The following DIDO1 variants were observed in gnomAD, a reference collection of about 807,000 sequenced individuals.
The protein encoded by DIDO1 is death-inducer obliterator 1.
In DIDO1, 16 loss-of-function variants were observed where a neutral mutation model predicts 99.4. The observed-to-expected ratio is 0.16, with a 90% confidence interval of 0.11 to 0.24. The LOEUF (loss-of-function observed/expected upper bound fraction) is 0.24. DIDO1 is among the 10% of genes least tolerant of loss of function. DIDO1 has a pLI of 1.00. For synonymous variants in DIDO1, 1,366 were observed against 1,239.1 expected, an observed-to-expected ratio of 1.10 and a Z score of -2.15; for missense variants, 2,996 against 3,014.0, an observed-to-expected ratio of 0.99 and a Z score of 0.14.
rs1044040587 is a variant in DIDO1, at chr20:62,882,538, A to C, written c.3542-124T>G. On this transcript the variant is annotated intron_variant, in intron 15 of 15. Coordinates refer to ENST00000395343, the MANE Select transcript of DIDO1 (RefSeq NM_001193369.2). ...AGACAAAAATAAGCCATTCTGTGGCAAAATAAGATCAAGTGTCAAGACAGT... is the reference window on the plus strand; with the variant it reads ...AGACAAAAATAAGCCATTCTGTGGCCAAATAAGATCAAGTGTCAAGACAGT... 18 of 962,842 alleles carry C rather than the reference A, an allele frequency of 1.9e-5. No individual in the cohort carries two copies. In the African/African-American group the frequency reaches 2.5e-4, roughly 13 times the overall value. The allele number at this position is 962,842 out of a possible 1,614,324, so 59.6% of individuals were successfully genotyped here.
chr20:62,928,246 A>G (rs1284998511), upstream of DIDO1, among the ~76,000 whole-genome samples: 3 of 152,198 alleles, frequency 2.0e-5, no homozygotes, highest in Non-Finnish European at 4.4e-5. Flanking sequence ...AGGGAATAGA[A>G]AGAGTGGACA....
chr20:62,881,873 A>T lies in DIDO1; in HGVS notation c.4083T>A (p.Asp1361Glu). ...EDGVPAPPLLDPIVQQFGQFS... is the reference protein window; with the variant it reads ...EDGVPAPPLLEPIVQQFGQFS... ...ACTGACCGAACTGCTGGACGATCGGATCTAACAACGGAGGTGCCGGCACCC... is the reference window on the plus strand; with the variant it reads ...ACTGACCGAACTGCTGGACGATCGGTTCTAACAACGGAGGTGCCGGCACCC... The change falls in exon 16 of 16, where the codon GAT becomes GAA. Residue 1361 changes from aspartate to glutamate, a missense_variant. Coordinates refer to ENST00000395343, the MANE Select transcript of DIDO1 (RefSeq NM_001193369.2). The surrounding 1 kb of genome is among the most constrained non-coding windows in gnomAD (Gnocchi z 8.3). 6.2e-7 allele frequency: 1 copy of T among 1,613,432 alleles called. No homozygotes were observed. Among genetic ancestry groups the T allele is most frequent in the Non-Finnish European group, 8.5e-7 (1 of 1,180,014 alleles).
chr20:62,887,244 G>T, intron 15 of DIDO1: 1 of 985,488 alleles, frequency 1.0e-6, no homozygotes, highest in African/African-American at 1.7e-5. Flanking sequence ...TGATTTAGGA[G>T]GAGAAGGCAG....
chr20:62,892,507 T>C (rs1039705468), intron 13 of DIDO1, among the ~76,000 whole-genome samples: 69 of 152,356 alleles, frequency 4.5e-4, no homozygotes, highest in African/African-American at 1.5e-3. Flanking sequence ...AACACCTGGC[T>C]GTGCCGGTGG....
At position 62,887,941 on chromosome 20, in the gene DIDO1, C is replaced by T. The variant is rs568182122; in HGVS notation, c.3541+3019G>A. 1.0e-5 allele frequency: 10 copies of T among 985,418 alleles called. No homozygotes were observed. In the South Asian group the frequency reaches 1.9e-4, roughly 19 times the overall value. 61.0% of individuals were successfully genotyped at this position (985,418 alleles called of 1,614,324 possible). A position where few individuals can be genotyped will look rare whatever the true frequency, so the allele number is the denominator to read the frequency against. On this transcript the variant is annotated intron_variant, in intron 15 of 15. Coordinates refer to ENST00000395343, the MANE Select transcript of DIDO1 (RefSeq NM_001193369.2). ...GGCAGAGGGGCAGAGGAAGACAACC[C>T]GGTGTTTCTGTGGACAAATCATTAA...
At position 62,894,978 on chromosome 20, in the gene DIDO1, C is replaced by T; in HGVS notation, c.2332-64G>A. 6.3e-7 allele frequency: 1 copy of T among 1,597,842 alleles called. No individual in the cohort carries two copies. The highest frequency in any genetic ancestry group is 8.6e-7 in the Non-Finnish European group (1 of 1,166,702). ...TTCTAGGAGGAAAGCATCGCTTATG[C>T]AGCCGTCTATGAATTTATTTCTATT... On this transcript the variant is annotated intron_variant, in intron 9 of 15. Transcript: ENST00000395343. The surrounding 1 kb of genome is among the most constrained non-coding windows in gnomAD (Gnocchi z 4.4).
chr20:62,898,661 T>C (rs958311897), intron 6 of DIDO1, among the ~76,000 whole-genome samples: 2 of 152,142 alleles, frequency 1.3e-5, no homozygotes, highest in Non-Finnish European at 2.9e-5. Flanking sequence ...CAGGACCCCC[T>C]CCTTGGCAAC....
Position 62,909,838 on chromosome 20 carries a change from C to G in DIDO1, c.1022G>C (p.Arg341Thr). The G allele has an allele frequency of 6.2e-7, 1 of 1,614,246 alleles. No homozygotes were observed. Among genetic ancestry groups the G allele is most frequent in the Non-Finnish European group, 8.5e-7 (1 of 1,180,044 alleles). ...ATCGGTGCCATCAGCATCTCCAGGT[C>G]TCCATTTAGCTTCCTGCTGATCTGC... is the stretch of plus-strand genomic sequence containing the variant. ...ETADQQEAKWRPGDADGTDCT... is the reference protein window; with the variant it reads ...ETADQQEAKWTPGDADGTDCT... Residue 341 changes from arginine (R) to threonine (T), a missense_variant, in exon 4 of 16, where the codon AGA becomes ACA. Physicochemically the swap from Arg to Thr is moderately conservative, Grantham distance 71. Transcript: ENST00000395343.
upstream of DIDO1, among the ~76,000 whole-genome samples, chr20:62,926,658 C>T (rs967869882): frequency 2.6e-5 from 4 of 152,218 alleles, no homozygotes; most frequent in Non-Finnish European, 4.4e-5. Flanking sequence ...CGGACGCGCC[C>T]TTCGGGTCTG....
chr20:62,902,278 C>T (rs974707973), intron 6 of DIDO1, among the ~76,000 whole-genome samples: 4 of 152,122 alleles, frequency 2.6e-5, no homozygotes, highest in Non-Finnish European at 5.9e-5. Flanking sequence ...TTAAAAATAA[C>T]AAAAGAATGT....
At chr20:62,891,405 GCTGT>G (rs770978187) in intron 14 of DIDO1, among the ~76,000 whole-genome samples, 12 of 152,292 alleles carry the variant, frequency 7.9e-5, no homozygotes, top group Non-Finnish European at 1.0e-4. Context: ...ATCTGCAATG[GCTGT>G]CTGTGCCCCT....
chr20:62,884,094 C>G (rs1224712355), intron 15 of DIDO1, among the ~76,000 whole-genome samples: 1 of 152,210 alleles, frequency 6.6e-6, no homozygotes, highest in Non-Finnish European at 1.5e-5. Context: ...TTTGTAAACA[C>G]AGGACAGACA....
chr20:62,915,104 ACC>A (rs1396444236), intron 1 of DIDO1, among the ~76,000 whole-genome samples: 4 of 152,246 alleles, frequency 2.6e-5, no homozygotes, highest in African/African-American at 7.2e-5. Context: ...CAGCCTCAAG[ACC>A]AACTGCCTTC....
At chr20:62,913,422 G>A (rs2064984098) in intron 2 of DIDO1, among the ~76,000 whole-genome samples, 1 of 152,214 alleles carries the variant, frequency 6.6e-6, no homozygotes, top group Admixed American at 6.5e-5. Flanking sequence ...CAAGTCACAA[G>A]GAACCGCTCT....
In DIDO1 at chr20:62,911,759, T is replaced by G; in HGVS notation, c.-2-145A>C. Reference sequence around the variant, plus strand: ...AGTCCTTCTGACCAGTGTTTCCTAATGTGTGCTATGTGAGATGATTCAAGA... The same window carrying G: ...AGTCCTTCTGACCAGTGTTTCCTAAGGTGTGCTATGTGAGATGATTCAAGA... On this transcript the variant is annotated intron_variant, in intron 2 of 15. Coordinates refer to ENST00000395343, the MANE Select transcript of DIDO1 (RefSeq NM_001193369.2). This position sits in a 1 kb window ranked among gnomAD's most constrained non-coding sequence, Gnocchi z 7.0. 1.7e-6 allele frequency: 1 copy of G among 605,858 alleles called. No individual in the cohort carries two copies. The highest frequency in any genetic ancestry group is 3.2e-5 in the South Asian group (1 of 31,468). The allele number at this position is 605,858 out of a possible 1,614,324, so 37.5% of individuals were successfully genotyped here.
In DIDO1 at chr20:62,909,834, A is replaced by G. The variant is rs1227839915; in HGVS notation, c.1026T>C (p.Pro342=). ...TADQQEAKWR[P]GDADGTDCTS... The stretch of plus-strand genomic sequence containing the variant: ...TACAATCGGTGCCATCAGCATCTCC[A>G]GGTCTCCATTTAGCTTCCTGCTGAT... The change falls in exon 4 of 16, where the codon CCT becomes CCC. Residue 342 remains proline (P), a synonymous_variant. Transcript: ENST00000395343. 1.1e-5 allele frequency: 18 copies of G among 1,614,114 alleles called. No homozygotes were observed. The highest frequency in any genetic ancestry group is 1.5e-5 in the Non-Finnish European group (18 of 1,180,054).
upstream of DIDO1, among the ~76,000 whole-genome samples, chr20:62,931,012 C>T (rs535792549): frequency 6.6e-6 from 1 of 152,214 alleles, no homozygotes; most frequent in Non-Finnish European, 1.5e-5. Context: ...GTGATCTTGG[C>T]TGTCTGCAAC....
Position 62,880,076 on chromosome 20 carries a change from C to T in DIDO1, c.5880G>A (p.Arg1960=). The T allele has an allele frequency of 1.2e-6, 2 of 1,612,016 alleles. No homozygotes were observed. Among genetic ancestry groups the T allele is most frequent in the Non-Finnish European group, 1.7e-6 (2 of 1,179,992 alleles). Residue 1960 remains arginine, a synonymous_variant, in exon 16 of 16, where the codon AGG becomes AGA. Transcript: ENST00000395343. The part of the protein sequence containing the change: ...GQAPNFMPGP[R]GIQPQQFEDQ... ...CTTCGAACTGCTGAGGCTGAATGCC[C>T]CTGGGACCTGGCATAAAGTTAGGCG...
At chr20:62,885,443 AC>A (rs1296637995) in intron 15 of DIDO1, among the ~76,000 whole-genome samples, 2 of 152,086 alleles carry the variant, frequency 1.3e-5, no homozygotes, top group Non-Finnish European at 2.9e-5. Flanking sequence ...TAGAACTCAA[AC>A]TTTTAATGGC....
Sources: allele counts gnomAD v4.1 joint callset (sites outside exome capture counted in the v4.1 genomes callset), GRCh38; gene constraint gnomAD v4.1.1; non-coding constraint Gnocchi (gnomAD v3.1); transcripts MANE v1.5; gene names NCBI Gene and HGNC (gene_info 2026-07-23, HGNC 2026-07-21).